Variants in TAAR5 observed in about 807,000 individuals in gnomAD.
TAAR5 encodes the protein trace amine-associated receptor 5.
In TAAR5, 27 loss-of-function variants were observed where a neutral mutation model predicts 21.1. The ratio of observed to expected loss-of-function variants is 1.28; its 90% CI spans 0.94 to 1.76. The LOEUF (loss-of-function observed/expected upper bound fraction) is 1.76, where lower values mean the gene tolerates loss of function less well. Ranked by LOEUF, TAAR5 falls within the 40% of genes most tolerant of loss-of-function variation. The pLI, the probability that TAAR5 is intolerant of heterozygous loss-of-function variation, is 0.00. For missense variants in TAAR5, 495 were observed against 405.6 expected (o/e 1.22, Z -1.89); for synonymous variants, 203 against 167.5 (o/e 1.21, Z -1.64).
the TAAR5 span, chr6:132,608,469 C>T: frequency 2.2e-6 from 1 of 455,894 alleles, no homozygotes; most frequent in South Asian, 1.5e-5. Flanking sequence ...GAAAACAAGG[C>T]AACCAGCAAG....
chr6:132,590,256 C>G (rs775229234), upstream of TAAR5, among the ~76,000 whole-genome samples: 2 of 152,094 alleles, frequency 1.3e-5, no homozygotes, highest in African/African-American at 4.8e-5. Flanking sequence ...TAGCTACATG[C>G]CAACTCTTCC....
the TAAR5 span, among the ~76,000 whole-genome samples, chr6:132,600,940 GGAGGGAAAGAAA>G: frequency 2.1e-5 from 2 of 97,336 alleles, no homozygotes; most frequent in Non-Finnish European, 3.8e-5. Context: ...AAGGAGGGAA[GGAGGGAAAGAAA>G]GAAGGAGGGA....
At chr6:132,612,400 C>T in the TAAR5 span, among the ~76,000 whole-genome samples, 6 of 152,206 alleles carry the variant, frequency 3.9e-5, no homozygotes, top group East Asian at 3.9e-4. Flanking sequence ...TGAATGGACT[C>T]GTTTCAGGAG....
Position 132,589,217 on chromosome 6 carries a change from G to A in TAAR5, c.470C>T (p.Ala157Val), listed in dbSNP as rs148673954. ...TVRVALRYIL[A>V]GWGVPAAYTS... ...GTATGCTGCGGGCACCCCCCATCCT[G>A]CCAGGATGTACCTGAGAGCCACCCT... The change falls in exon 1 of 1, where the codon GCA (alanine) becomes GTA (valine). Residue 157 changes from alanine to valine, a missense_variant. Physicochemically the swap from Ala to Val is moderately conservative, Grantham distance 64. Transcript: ENST00000258034. 5.0e-6 allele frequency: 8 copies of A among 1,605,700 alleles called. No individual in the cohort carries two copies. The highest frequency in any genetic ancestry group is 1.3e-5 in the African/African-American group (1 of 74,844).
chr6:132,614,984 C>T, the TAAR5 span, among the ~76,000 whole-genome samples: 7 of 152,156 alleles, frequency 4.6e-5, no homozygotes, highest in Non-Finnish European at 7.3e-5. Flanking sequence ...CTGCCTCAGC[C>T]TCCCAAGTAG....
At chr6:132,612,875 A>G in the TAAR5 span, among the ~76,000 whole-genome samples, 2 of 152,214 alleles carry the variant, frequency 1.3e-5, no homozygotes, top group Non-Finnish European at 2.9e-5. Flanking sequence ...TACGCAGTTA[A>G]TGATTACACA....
chr6:132,599,776 A>G, the TAAR5 span, among the ~76,000 whole-genome samples: 1 of 152,118 alleles, frequency 6.6e-6, no homozygotes, highest in Non-Finnish European at 1.5e-5. Context: ...GATTTCCTCT[A>G]TATGCTCATC....
At chr6:132,615,981 ACTAT>A in the TAAR5 span, among the ~76,000 whole-genome samples, 1 of 151,956 alleles carries the variant, frequency 6.6e-6, no homozygotes, top group Non-Finnish European at 1.5e-5. Context: ...ATATTTTGAT[ACTAT>A]CTATTTTCTT....
the TAAR5 span, among the ~76,000 whole-genome samples, chr6:132,599,323 C>CTTTTTTTTTTTTTTTTTTTTTT: frequency 1.0e-5 from 1 of 98,492 alleles, no homozygotes. Context: ...CTTTTCTTTT[C>CTTTTTTTTTTTTTTTTTTTTTT]TTTTTTTTTT....
chr6:132,594,610 G>C (rs758862597), upstream of TAAR5: 3 of 152,182 alleles, frequency 2.0e-5, no homozygotes, highest in Non-Finnish European at 4.4e-5. Flanking sequence ...AGACAAAGAA[G>C]GGCAGCCAGC....
chr6:132,609,318 A>G, the TAAR5 span: 1 of 252,844 alleles, frequency 4.0e-6, no homozygotes, highest in Non-Finnish European at 7.8e-6. Context: ...AGGATGAGTC[A>G]CTGTTTCTTC....
the TAAR5 span, among the ~76,000 whole-genome samples, chr6:132,598,637 C>T: frequency 6.6e-6 from 1 of 152,156 alleles, no homozygotes; most frequent in Admixed American, 6.5e-5. Flanking sequence ...TAAAATATGC[C>T]TCTAGGGGCA....
At chr6:132,597,616 C>T in the TAAR5 span, among the ~76,000 whole-genome samples, 28 of 152,276 alleles carry the variant, frequency 1.8e-4, no homozygotes, top group African/African-American at 6.5e-4. Context: ...TGGCATCTCA[C>T]TTTTTTCATG....
the TAAR5 span, chr6:132,608,130 A>C: frequency 2.8e-6 from 1 of 352,716 alleles, no homozygotes; most frequent in African/African-American, 2.1e-5. Context: ...AACGTTGATT[A>C]CTGAAATTTA....
At chr6:132,600,787 GGGAAGGAGGGGAGGAAGGAA>G in the TAAR5 span, among the ~76,000 whole-genome samples, 4 of 122,668 alleles carry the variant, frequency 3.3e-5, no homozygotes, top group Non-Finnish European at 3.3e-5. Context: ...GAGGGAAGGA[GGGAAGGAGGGGAGGAAGGAA>G]GGAAGGAAGG....
chr6:132,606,484 A>T, the TAAR5 span, among the ~76,000 whole-genome samples: 1 of 152,210 alleles, frequency 6.6e-6, no homozygotes, highest in East Asian at 1.9e-4. Context: ...GGAAGAAGAC[A>T]CTTGGCAGTT....
chr6:132,608,159 T>C, the TAAR5 span: 1 of 362,932 alleles, frequency 2.8e-6, no homozygotes, highest in East Asian at 7.3e-5. Flanking sequence ...ATGTTTGCAG[T>C]GATCTGGGGA....
the TAAR5 span, chr6:132,608,803 G>A: frequency 6.6e-6 from 3 of 455,978 alleles, no homozygotes; most frequent in South Asian, 4.6e-5. Flanking sequence ...AAAAAGAGCA[G>A]GAACTGACCA....
the TAAR5 span, among the ~76,000 whole-genome samples, chr6:132,605,155 A>G: frequency 6.6e-6 from 1 of 152,248 alleles, no homozygotes; most frequent in Non-Finnish European, 1.5e-5. Context: ...GACCAGCCCC[A>G]TGCCCAGACT....
Sources: gnomAD v4.1 joint callset for allele counts (sites outside exome capture counted in the v4.1 genomes callset) on GRCh38, gnomAD v4.1.1 for gene constraint, MANE v1.5 for transcripts, NCBI Gene and HGNC (gene_info 2026-07-23, HGNC 2026-07-21) for gene names.